TENM3: variants seen among roughly 807,000 people sequenced by gnomAD.
The protein encoded by TENM3 is teneurin-3.
In TENM3, 63 loss-of-function variants were observed where a neutral mutation model predicts 255.1. The observed-to-expected ratio is 0.25, with a 90% CI of 0.20 to 0.30. The LOEUF (loss-of-function observed/expected upper bound fraction) is 0.30, where lower values mean the gene tolerates loss of function less well. Ranked by LOEUF, TENM3 falls within the 10% of genes least tolerant of loss-of-function variation. The pLI is 1.00. For synonymous variants in TENM3, 1,306 were observed against 1,322.3 expected, an observed-to-expected ratio of 0.99 and a Z score of 0.27; for missense variants, 2,929 against 3,461.1, an observed-to-expected ratio of 0.85 and a Z score of 3.86.
intron 3 of TENM3, among the ~76,000 whole-genome samples, chr4:182,550,399 C>T (rs1332545840): frequency 6.6e-6 from 1 of 152,144 alleles, no homozygotes; most frequent in Non-Finnish European, 1.5e-5. Context: ...TTTACTAAGA[C>T]TTAACACTAG....
the TENM3 span, among the ~76,000 whole-genome samples, chr4:181,510,568 T>TA: frequency 0.072 from 10,925 of 151,950 alleles, 436 homozygotes; most frequent in South Asian, 0.14. Flanking sequence ...CACATTTTTT[T>TA]TAAAAAAAGA....
At chr4:182,187,981 A>G (rs1021608575) in intron 1 of TENM3, among the ~76,000 whole-genome samples, 1 of 152,280 alleles carries the variant, frequency 6.6e-6, no homozygotes, top group African/African-American at 2.4e-5. Context: ...AACAGTGCCA[A>G]AAATTAAGCT....
chr4:182,769,521 C>A lies in TENM3; in HGVS notation c.4893-3951C>A, dbSNP rs534302122. On this transcript the variant is annotated intron_variant, in intron 22 of 27. Coordinates refer to ENST00000511685, the MANE Select transcript of TENM3 (RefSeq NM_001080477.4). ...GTCCTAGGCCGGGCGTGGTGGCTCA[C>A]GCCTGTAATCCCAGCACTTTGGGAG... 7.2e-5 allele frequency among the ~76,000 whole-genome samples: 11 copies of A among 152,140 alleles called. No individual in the cohort carries two copies. The South Asian group carries it at 1.7e-3, about 23-fold the overall frequency.
In TENM3 at chr4:182,628,798, G is replaced by A. The variant is rs534949284; in HGVS notation, c.897G>A (p.Lys299=). Residue 299 remains lysine (K), a synonymous_variant, in exon 5 of 28, where the codon AAG becomes AAA. Coordinates refer to ENST00000511685, the MANE Select transcript of TENM3 (RefSeq NM_001080477.4). ...NTLSRSAFKF[K]KSSKYCSWKC... ...TATCAAGAAGTGCTTTTAAATTCAA[G>A]AAGTCTTCAAAGTACTGTAGCTGGA... 4.4e-5 allele frequency: 71 copies of A among 1,611,012 alleles called. 2 individuals carry two copies. In the South Asian group the frequency reaches 7.8e-4, roughly 18 times the overall value.
At chr4:182,012,278 A>G in the TENM3 span, among the ~76,000 whole-genome samples, 98 of 152,316 alleles carry the variant, frequency 6.4e-4, 1 homozygote, top group African/African-American at 2.1e-3. Context: ...CTCACAGAAT[A>G]TTGCCTCCTG....
At chr4:181,573,880 A>G in the TENM3 span, among the ~76,000 whole-genome samples, 2 of 152,306 alleles carry the variant, frequency 1.3e-5, no homozygotes, top group East Asian at 3.9e-4. Flanking sequence ...CTTCAGAACA[A>G]ACCTGTCCCA....
the TENM3 span, among the ~76,000 whole-genome samples, chr4:181,735,654 G>A: frequency 6.6e-6 from 1 of 152,128 alleles, no homozygotes; most frequent in African/African-American, 2.4e-5. Context: ...TATATGGCCT[G>A]GGACAAACTC....
At chr4:182,682,041 G>C in intron 11 of TENM3, 27 bp downstream of exon 11, 1 of 1,591,330 alleles carries the variant, frequency 6.3e-7, no homozygotes, top group East Asian at 2.2e-5. Flanking sequence ...CAGTACAATC[G>C]AGTTGCTTAA....
chr4:182,101,172 G>GAGGA, the TENM3 span, among the ~76,000 whole-genome samples: 1 of 17,870 alleles, frequency 5.6e-5, no homozygotes, highest in Non-Finnish European at 2.3e-4. Context: ...AGAAGGGAGG[G>GAGGA]AGGAAGGAAA....
intron 1 of TENM3, among the ~76,000 whole-genome samples, chr4:182,288,957 G>T (rs1000160495): frequency 6.6e-6 from 1 of 152,198 alleles, no homozygotes; most frequent in African/African-American, 2.4e-5. Flanking sequence ...AGGTGCAGTG[G>T]CTCATGCCTG....
chr4:181,550,774 TA>T, the TENM3 span, among the ~76,000 whole-genome samples: 389 of 151,848 alleles, frequency 2.6e-3, 2 homozygotes, highest in African/African-American at 8.6e-3. Context: ...TTATAGCAAA[TA>T]AAAAAAAATT....
chr4:182,669,405 G>T (rs1284424887), intron 6 of TENM3, among the ~76,000 whole-genome samples: 1 of 151,996 alleles, frequency 6.6e-6, no homozygotes, highest in African/African-American at 2.4e-5. Context: ...GAGTAGCTGG[G>T]ACTACAGGCG....
At chr4:182,786,554 CT>C (rs35275820) in intron 24 of TENM3, among the ~76,000 whole-genome samples, 42,303 of 137,194 alleles carry the variant, frequency 0.31, 7,355 homozygotes, top group African/African-American at 0.5. Context: ...GAGACCCCGT[CT>C]TAAAAAAAAA....
the TENM3 span, among the ~76,000 whole-genome samples, chr4:181,892,062 G>C: frequency 2.0e-5 from 3 of 152,146 alleles, no homozygotes; most frequent in Admixed American, 2.0e-4. Context: ...ACCTGCCAAT[G>C]CCTTGATCTT....
chr4:181,719,124 T>C, the TENM3 span, among the ~76,000 whole-genome samples: 1 of 151,508 alleles, frequency 6.6e-6, no homozygotes, highest in Non-Finnish European at 1.5e-5. Context: ...GAGAATGGCG[T>C]GAACCCGGGA....
chr4:182,037,162 T>TTG, the TENM3 span, among the ~76,000 whole-genome samples: 1 of 151,948 alleles, frequency 6.6e-6, no homozygotes, highest in Non-Finnish European at 1.5e-5. Context: ...TTTTTTTTTT[T>TTG]TGTGACACGG....
intron 3 of TENM3, among the ~76,000 whole-genome samples, chr4:182,428,650 G>A (rs750440047): frequency 6.6e-6 from 1 of 151,940 alleles, no homozygotes; most frequent in Non-Finnish European, 1.5e-5. Context: ...CCTTTGGAAG[G>A]CCTTGCTTGA....
At chr4:181,630,438 C>A in the TENM3 span, among the ~76,000 whole-genome samples, 1 of 152,052 alleles carries the variant, frequency 6.6e-6, no homozygotes, top group Admixed American at 6.6e-5. Flanking sequence ...GTTAGGGTGT[C>A]GATTTTAGCT....
chr4:182,285,300 G>GTATAAGGAAT (rs2150295339), intron 1 of TENM3, among the ~76,000 whole-genome samples: 1 of 152,052 alleles, frequency 6.6e-6, no homozygotes, highest in African/African-American at 2.4e-5. Flanking sequence ...ATAGAATATG[G>GTATAAGGAAT]TATAAGGAAT....
Sources: allele counts gnomAD v4.1 joint callset (sites outside exome capture counted in the v4.1 genomes callset), GRCh38; gene constraint gnomAD v4.1.1; transcripts MANE v1.5; gene names NCBI Gene and HGNC (gene_info 2026-07-23, HGNC 2026-07-21).